The following KIAA0408 variants were observed in gnomAD, a reference collection of about 807,000 sequenced individuals.
The protein encoded by KIAA0408 is KIAA0408, also known as uncharacterized protein KIAA0408.
A neutral mutation model predicts 60.9 loss-of-function variants in KIAA0408; 51 were observed. The ratio of observed to expected loss-of-function variants is 0.84; its 90% CI spans 0.67 to 1.06. The LOEUF is 1.06. KIAA0408 is among the 50% of genes least tolerant of loss of function. The probability of loss-of-function intolerance (pLI) is 0.00; values close to 1 mark genes in which losing one functional copy is unlikely to be tolerated. For missense variants in KIAA0408, 787 were observed against 833.9 expected (o/e 0.94, Z 0.69); for synonymous variants, 304 against 282.4 (o/e 1.08, Z -0.77).
chr6:127,456,271 T>C (rs1562373000), intron 1 of KIAA0408, among the ~76,000 whole-genome samples: 1 of 152,188 alleles, frequency 6.6e-6, no homozygotes, highest in Admixed American at 6.6e-5. Flanking sequence ...TCTTTAAACA[T>C]TGGAAATGTT....
At position 127,447,832 on chromosome 6, in the gene KIAA0408, A is replaced by G. The variant is rs2114794577; in HGVS notation, c.579-92T>C. 3.5e-6 allele frequency: 5 copies of G among 1,423,034 alleles called. No individual in the cohort carries two copies. The South Asian group carries it at 5.0e-5, about 14-fold the overall frequency. The allele number at this position is 1,423,034 out of a possible 1,614,324, so 88.2% of individuals were successfully genotyped here. A position where few individuals can be genotyped will look rare whatever the true frequency, so the allele number is the denominator to read the frequency against. On this transcript the variant is annotated intron_variant, in intron 4 of 5. Coordinates refer to ENST00000483725, the MANE Select transcript of KIAA0408 (RefSeq NM_014702.5). ...ATAGCTAAAGCAATGAGTTTCTGCTATAAGAAAAGGATTCACAACTGCCTC... is the reference window on the plus strand; with the variant it reads ...ATAGCTAAAGCAATGAGTTTCTGCTGTAAGAAAAGGATTCACAACTGCCTC...
rs963914978 is a variant in KIAA0408, at chr6:127,439,912, TC to T, written c.*4196del. The stretch of plus-strand genomic sequence containing the variant: ...TGAGTGAGCCCAGGCTTGGATTCTG[TC>T]CCTGCAATCTTGGCAGCCATGCAGA... On this transcript the variant is annotated 3_prime_UTR_variant, in exon 6 of 6. Coordinates refer to ENST00000483725, the MANE Select transcript of KIAA0408 (RefSeq NM_014702.5). 1.3e-5 allele frequency: 2 copies of T among 152,176 alleles called. No homozygotes were observed. The highest frequency in any genetic ancestry group is 2.4e-5 in the African/African-American group (1 of 41,436). The allele number at this position is 152,176 out of a possible 1,614,324, so 9.4% of individuals were successfully genotyped here.
rs936457415 is a variant in KIAA0408, at chr6:127,444,043, A to G, written c.*66T>C. The G allele has an allele frequency of 2.7e-6, 4 of 1,493,440 alleles. No individual in the cohort carries two copies. The highest frequency in any genetic ancestry group is 2.8e-5 in the African/African-American group (2 of 71,944). The allele number at this position is 1,493,440 out of a possible 1,614,324, so 92.5% of individuals were successfully genotyped here. ...GAAGAGAACAGGTCCGCCTGTAAAC[A>G]CTCAGAATGCTCTGTTTGACAAGTG... On this transcript the variant is annotated 3_prime_UTR_variant, in exon 6 of 6. Transcript: ENST00000483725.
chr6:127,446,323 A>C, intron 5 of KIAA0408, 85 bp downstream of exon 5: 1 of 1,518,458 alleles, frequency 6.6e-7, no homozygotes, highest in Non-Finnish European at 8.8e-7. Context: ...CCCTCATTCT[A>C]TTTATATGAA....
rs774060742 is a variant in KIAA0408 at position 127,444,293 on chromosome 6, A to G, written c.1912-11T>C. 4.5e-6 allele frequency: 7 copies of G among 1,557,092 alleles called. No individual in the cohort carries two copies. In the Admixed American group the frequency reaches 9.7e-5, roughly 22 times the overall value. ...CACTGACATGGATTCCTAGGACACA[A>G]GTAAAAACATTCCTCTCACTCTCTG... On this transcript the variant is annotated splice_polypyrimidine_tract_variant and intron_variant, in intron 5 of 5. Transcript: ENST00000483725.
In KIAA0408 at chr6:127,447,090, T is replaced by G. The variant is rs760336244; in HGVS notation, c.1229A>C (p.Asp410Ala). The change falls in exon 5 of 6, where the codon GAC (aspartate) becomes GCC (alanine). Residue 410 changes from aspartate (D) to alanine (A), a missense_variant. Physicochemically the swap from Asp to Ala is moderately radical, Grantham distance 126. Coordinates refer to ENST00000483725, the MANE Select transcript of KIAA0408 (RefSeq NM_014702.5). ...KSHPDLHVSN[D>A]CSSSVAESSS... ...GCTCTCTGCTACTGAGGAGCTACAG[T>G]CATTACTTACATGAAGATCAGGATG... The G allele has an allele frequency of 6.2e-7, 1 of 1,613,896 alleles. No individual in the cohort carries two copies. Among genetic ancestry groups the G allele is most frequent in the Admixed American group, 1.7e-5 (1 of 60,002 alleles).
In KIAA0408 at chr6:127,450,150, C is replaced by G; in HGVS notation, c.338G>C (p.Ser113Thr). 6.2e-7 allele frequency: 1 copy of G among 1,614,062 alleles called. No individual in the cohort carries two copies. Among genetic ancestry groups the G allele is most frequent in the Non-Finnish European group, 8.5e-7 (1 of 1,179,974 alleles). Residue 113 changes from serine (S) to threonine (T), a missense_variant, in exon 3 of 6, where the codon AGT becomes ACT. Coordinates refer to ENST00000483725, the MANE Select transcript of KIAA0408 (RefSeq NM_014702.5). ...KENKREQSLVSGGNQMCKEQK... is the reference protein window; with the variant it reads ...KENKREQSLVTGGNQMCKEQK... The stretch of plus-strand genomic sequence containing the variant: ...TTCCTTACACATTTGATTTCCTCCA[C>G]TGACTAAGCTCTGCTCTCTTTTATT...
At chr6:127,452,786 C>T (rs906495966) in intron 2 of KIAA0408, among the ~76,000 whole-genome samples, 4 of 152,016 alleles carry the variant, frequency 2.6e-5, no homozygotes, top group Admixed American at 1.3e-4. Flanking sequence ...TGATCCAATC[C>T]GAGTATGGGT....
At position 127,444,013 on chromosome 6, in the gene KIAA0408, T is replaced by C; in HGVS notation, c.*96A>G. On this transcript the variant is annotated 3_prime_UTR_variant, in exon 6 of 6. Transcript: ENST00000483725. Reference sequence around the variant, plus strand: ...ATGGAAAGTTAAGATTCAAATTGCTTGTCGGAAGAGAACAGGTCCGCCTGT... The same window carrying C: ...ATGGAAAGTTAAGATTCAAATTGCTCGTCGGAAGAGAACAGGTCCGCCTGT... 9.3e-7 allele frequency: 1 copy of C among 1,070,082 alleles called. No individual in the cohort carries two copies. The highest frequency in any genetic ancestry group is 1.5e-5 in the South Asian group (1 of 68,038). The allele number at this position is 1,070,082 out of a possible 1,614,324, so 66.3% of individuals were successfully genotyped here.
chr6:127,457,372 G>T (rs113067005), intron 1 of KIAA0408, among the ~76,000 whole-genome samples: 2,508 of 152,192 alleles, frequency 0.016, 84 homozygotes, highest in African/African-American at 0.058. Flanking sequence ...GTTCCTAGTT[G>T]TCACTCATTT....
chr6:127,441,443 T>A lies in KIAA0408; in HGVS notation c.*2666A>T, dbSNP rs141281941. The A allele has an allele frequency of 0.011, 1,669 of 152,392 alleles. 16 individuals are homozygous for A. The highest frequency in any genetic ancestry group is 0.017 in the Non-Finnish European group (1,156 of 67,898). 9.4% of individuals were successfully genotyped at this position (152,392 alleles called of 1,614,324 possible). A position where few individuals can be genotyped will look rare whatever the true frequency, so the allele number is the denominator to read the frequency against. ...ACACACACACACACACAAACTCAAGTACTCCTCTCTGCCTCATCCTTATTC... is the reference window on the plus strand; with the variant it reads ...ACACACACACACACACAAACTCAAGAACTCCTCTCTGCCTCATCCTTATTC... On this transcript the variant is annotated 3_prime_UTR_variant, in exon 6 of 6. Transcript: ENST00000483725.
chr6:127,445,032 G>A (rs1360427336), intron 5 of KIAA0408, among the ~76,000 whole-genome samples: 1 of 151,910 alleles, frequency 6.6e-6, no homozygotes, highest in Non-Finnish European at 1.5e-5. Flanking sequence ...GGTTCTTATT[G>A]ACCCTTCTTA....
rs1012879853 is a variant in KIAA0408 at position 127,438,953 on chromosome 6, G to A, written c.*5156C>T. The A allele has an allele frequency of 6.6e-6, 1 of 152,084 alleles. No individual in the cohort carries two copies. The highest frequency in any genetic ancestry group is 1.5e-5 in the Non-Finnish European group (1 of 68,028). 9.4% of individuals were successfully genotyped at this position (152,084 alleles called of 1,614,324 possible). A position where few individuals can be genotyped will look rare whatever the true frequency, so the allele number is the denominator to read the frequency against. On this transcript the variant is annotated 3_prime_UTR_variant, in exon 6 of 6. Coordinates refer to ENST00000483725, the MANE Select transcript of KIAA0408 (RefSeq NM_014702.5). ...TATGAAGGCTTCTCTTTCATGAATG[G>A]GATTTAAGGCCCTTATAAAAGAAGC...
rs1034039955 is a variant in KIAA0408, at chr6:127,438,813, G to A, written c.*5296C>T. 1.3e-5 allele frequency: 2 copies of A among 152,112 alleles called. No individual in the cohort carries two copies. The highest frequency in any genetic ancestry group is 4.8e-5 in the African/African-American group (2 of 41,422). The allele number at this position is 152,112 out of a possible 1,614,324, so 9.4% of individuals were successfully genotyped here. On this transcript the variant is annotated 3_prime_UTR_variant, in exon 6 of 6. Coordinates refer to ENST00000483725, the MANE Select transcript of KIAA0408 (RefSeq NM_014702.5). The stretch of plus-strand genomic sequence containing the variant: ...AGCATGTGACTGTAATTTTGAGTGA[G>A]GTTTATATTGGAAATTACTGTATGC...
rs368967864 is a variant in KIAA0408 at position 127,444,077 on chromosome 6, A to G, written c.*32T>C. On this transcript the variant is annotated 3_prime_UTR_variant, in exon 6 of 6. Transcript: ENST00000483725. ...GCTCTGTTTGACAAGTGGGACTAGA[A>G]CTTCTGTAATATAGCAATCCAGGCC... 2.4e-5 allele frequency: 39 copies of G among 1,607,074 alleles called. No individual in the cohort carries two copies. Among genetic ancestry groups the G allele is most frequent in the Non-Finnish European group, 3.2e-5 (38 of 1,174,648 alleles).
intron 2 of KIAA0408, among the ~76,000 whole-genome samples, chr6:127,451,470 T>G (rs1326893043): frequency 1.3e-5 from 2 of 152,188 alleles, no homozygotes; most frequent in Non-Finnish European, 2.9e-5. Context: ...CATTATGGTT[T>G]GAGCTGACCT....
chr6:127,457,619 G>T (rs1232221446), intron 1 of KIAA0408, among the ~76,000 whole-genome samples: 3 of 152,198 alleles, frequency 2.0e-5, no homozygotes, highest in African/African-American at 7.2e-5. Flanking sequence ...CCCTTTCCAG[G>T]GCTGAAAGCC....
At chr6:127,445,581 G>T (rs1280698147) in intron 5 of KIAA0408, among the ~76,000 whole-genome samples, 5 of 152,150 alleles carry the variant, frequency 3.3e-5, no homozygotes, top group Non-Finnish European at 7.4e-5. Flanking sequence ...TATGAAACTA[G>T]GAGTTCTGAA....
In KIAA0408 at chr6:127,450,142, T is replaced by C. The variant is rs1773276190; in HGVS notation, c.346A>G (p.Asn116Asp). Residue 116 changes from asparagine (N) to aspartate (D), a missense_variant, in exon 3 of 6, where the codon AAT (asparagine) becomes GAT (aspartate). Asn to Asp is a conservative substitution (Grantham distance 23). Transcript: ENST00000483725. ...KREQSLVSGG[N>D]QMCKEQKATK... is the part of the protein sequence containing the mutation. Reference sequence around the variant, plus strand: ...GCTTTTTGTTCCTTACACATTTGATTTCCTCCACTGACTAAGCTCTGCTCT... The same window carrying C: ...GCTTTTTGTTCCTTACACATTTGATCTCCTCCACTGACTAAGCTCTGCTCT... 6.2e-7 allele frequency: 1 copy of C among 1,613,984 alleles called. No homozygotes were observed. The highest frequency in any genetic ancestry group is 1.1e-5 in the South Asian group (1 of 91,086).
Sources: gnomAD v4.1 joint callset for allele counts (sites outside exome capture counted in the v4.1 genomes callset) on GRCh38, gnomAD v4.1.1 for gene constraint, MANE v1.5 for transcripts, NCBI Gene and HGNC (gene_info 2026-07-23, HGNC 2026-07-21) for gene names.